Variants in SAMD5 observed in about 807,000 individuals in gnomAD.
SAMD5 encodes the protein sterile alpha motif domain-containing protein 5.
SAMD5 carries 13 observed loss-of-function variants against 11.3 expected under a neutral mutation model. The ratio of observed to expected loss-of-function variants is 1.15; its 90% confidence interval spans 0.75 to 1.83. SAMD5 has a LOEUF of 1.83. Among genes scored for constraint, SAMD5 ranks in the 40% most tolerant of loss-of-function variants. The pLI, the probability that SAMD5 is intolerant of heterozygous loss-of-function variation, is 0.00. For synonymous variants in SAMD5, 129 were observed against 111.3 expected, an observed-to-expected ratio of 1.16 and a Z score of -1.00; for missense variants, 255 against 239.1, an observed-to-expected ratio of 1.07 and a Z score of -0.44.
intron 1 of SAMD5, among the ~76,000 whole-genome samples, chr6:147,549,370 G>A (rs9390476): frequency 0.075 from 11,393 of 152,224 alleles, 1,330 homozygotes; most frequent in African/African-American, 0.25. Flanking sequence ...ACTTTGTCAT[G>A]TACTCCTGTG....
At chr6:147,598,093 T>G (rs1198611272) in intron 1 of SAMD5, among the ~76,000 whole-genome samples, 2 of 149,820 alleles carry the variant, frequency 1.3e-5, no homozygotes, top group Non-Finnish European at 3.0e-5. Flanking sequence ...TTCTTTTTTC[T>G]TTTCTTTTTT....
chr6:147,779,342 T>C, the SAMD5 span, among the ~76,000 whole-genome samples: 1 of 152,112 alleles, frequency 6.6e-6, no homozygotes, highest in Non-Finnish European at 1.5e-5. Flanking sequence ...ATTTTATGAG[T>C]TAAAAATTGA....
intron 1 of SAMD5, among the ~76,000 whole-genome samples, chr6:147,603,896 G>A (rs1239269328): frequency 1.3e-5 from 2 of 152,160 alleles, no homozygotes; most frequent in Non-Finnish European, 1.5e-5. Flanking sequence ...GCAGGATGGA[G>A]TTAGTCTCTG....
the SAMD5 span, among the ~76,000 whole-genome samples, chr6:147,870,169 G>A: frequency 1.3e-5 from 2 of 151,872 alleles, no homozygotes; most frequent in Non-Finnish European, 2.9e-5. Context: ...CTACCATACC[G>A]GACAGTGCAG....
At chr6:147,672,050 A>C (rs1210314950) in intron 1 of SAMD5, among the ~76,000 whole-genome samples, 1 of 151,944 alleles carries the variant, frequency 6.6e-6, no homozygotes. Context: ...CGTGTTTACA[A>C]TATTGAGTTT....
chr6:147,573,263 T>C (rs863623), downstream of SAMD5, among the ~76,000 whole-genome samples: 107,972 of 151,474 alleles, frequency 0.71, 38,739 homozygotes, highest in African/African-American at 0.79. Flanking sequence ...TAAAGGAAAG[T>C]GGTTTAATTG....
chr6:147,512,866 C>T (rs1426739351), intron 1 of SAMD5, among the ~76,000 whole-genome samples: 2 of 152,080 alleles, frequency 1.3e-5, no homozygotes. Context: ...TAATGTGTGA[C>T]GATTGATTTG....
the SAMD5 span, among the ~76,000 whole-genome samples, chr6:147,757,950 A>G: frequency 6.6e-6 from 1 of 152,134 alleles, no homozygotes; most frequent in Non-Finnish European, 1.5e-5. Context: ...TTTTTCATTC[A>G]ACTGAATGAA....
chr6:147,914,736 G>A, the SAMD5 span, among the ~76,000 whole-genome samples: 1 of 152,072 alleles, frequency 6.6e-6, no homozygotes, highest in East Asian at 1.9e-4. Context: ...ATTATATAGT[G>A]GAGTAATCAG....
At chr6:147,747,540 G>C in the SAMD5 span, among the ~76,000 whole-genome samples, 1 of 152,014 alleles carries the variant, frequency 6.6e-6, no homozygotes, top group Non-Finnish European at 1.5e-5. Context: ...TTTGAGACGG[G>C]GTCTCTATCA....
chr6:147,721,869 A>G (rs1330922437), intron 1 of SAMD5, among the ~76,000 whole-genome samples: 1 of 152,156 alleles, frequency 6.6e-6, no homozygotes, highest in African/African-American at 2.4e-5. Context: ...GTTTTGGGTT[A>G]TTTCCATAAA....
At chr6:147,561,905 A>G (rs1002780272) in intron 1 of SAMD5, among the ~76,000 whole-genome samples, 1 of 152,192 alleles carries the variant, frequency 6.6e-6, no homozygotes, top group Non-Finnish European at 1.5e-5. Context: ...CATATGCTCC[A>G]CTAATTACTG....
At chr6:147,805,535 G>A in the SAMD5 span, among the ~76,000 whole-genome samples, 2 of 152,166 alleles carry the variant, frequency 1.3e-5, no homozygotes, top group Non-Finnish European at 2.9e-5. Context: ...AAAGAGAAAA[G>A]AAAAGGAAAA....
chr6:147,681,397 A>G (rs1790938289), intron 1 of SAMD5, among the ~76,000 whole-genome samples: 1 of 151,564 alleles, frequency 6.6e-6, no homozygotes, highest in African/African-American at 2.4e-5. Flanking sequence ...GGGCCTTTTT[A>G]TATCTTCTGT....
At chr6:147,847,590 C>T in the SAMD5 span, among the ~76,000 whole-genome samples, 3 of 152,268 alleles carry the variant, frequency 2.0e-5, no homozygotes, top group Non-Finnish European at 2.9e-5. Context: ...TGTTGCCTCA[C>T]GCCTGTAATC....
At chr6:147,695,810 T>C (rs1478515656) in intron 1 of SAMD5, among the ~76,000 whole-genome samples, 1 of 152,196 alleles carries the variant, frequency 6.6e-6, no homozygotes, top group Non-Finnish European at 1.5e-5. Flanking sequence ...CTTTGTACCA[T>C]ATATATACTT....
In SAMD5 at chr6:147,509,336, T is replaced by C. The variant is rs1788047410; in HGVS notation, c.408T>C (p.Asp136=). 1 of 1,583,050 alleles carries C rather than the reference T, an allele frequency of 6.3e-7. No individual in the cohort carries two copies. Among genetic ancestry groups the C allele is most frequent in the African/African-American group, 1.4e-5 (1 of 73,034 alleles). The change falls in exon 1 of 2, where the codon GAT becomes GAC. Residue 136 remains aspartate (D), a synonymous_variant. Transcript: ENST00000367474. ...TGAAGCTGAAGATCATGATCAGGGA[T>C]AAGCTCGTCCGTGACGGCATCCACC... ...PKLKLKIMIR[D]KLVRDGIHLS... is the part of the protein sequence containing the mutation.
chr6:147,719,371 T>A (rs1462153966), intron 1 of SAMD5, among the ~76,000 whole-genome samples: 1 of 152,162 alleles, frequency 6.6e-6, no homozygotes, highest in African/African-American at 2.4e-5. Flanking sequence ...CCTAGAAAAT[T>A]GAGAAAGGGA....
Position 147,667,919 on chromosome 6 carries a change from ATAAAAT to A in SAMD5, c.163-69394_163-69389del, listed in dbSNP as rs1470494912. Among the ~76,000 whole-genome samples the A allele has an allele frequency of 4.6e-5, 7 of 152,320 alleles. No homozygotes were observed. In the East Asian group the frequency reaches 9.7e-4, roughly 21 times the overall value. On this transcript the variant is annotated intron_variant, in intron 1 of 1. Coordinates refer to the SAMD5 transcript ENST00000566741. ...CTTTGTCCTATAAAAAGTCCAGGTG[ATAAAAT>A]TAACATTCCAAGTTAAACATGAAAT... is the stretch of plus-strand genomic sequence containing the variant.
Sources: allele counts gnomAD v4.1 joint callset (sites outside exome capture counted in the v4.1 genomes callset), GRCh38; gene constraint gnomAD v4.1.1; transcripts MANE v1.5; gene names NCBI Gene and HGNC (gene_info 2026-07-23, HGNC 2026-07-21).